GCC2: variants seen among roughly 807,000 people sequenced by gnomAD.
GCC2 encodes GRIP and coiled-coil domain containing 2.
In GCC2, 120 loss-of-function variants were observed where a neutral mutation model predicts 210.6. The ratio of observed to expected loss-of-function variants is 0.57; its 90% CI spans 0.49 to 0.66. The LOEUF (loss-of-function observed/expected upper bound fraction) is 0.66. Ranked by LOEUF, GCC2 falls within the 30% of genes least tolerant of loss-of-function variation. GCC2 has a pLI of 0.00. For missense variants in GCC2, 1,868 were observed against 1,871.9 expected, an observed-to-expected ratio of 1.00 and a Z score of 0.04; for synonymous variants, 703 against 652.7, an observed-to-expected ratio of 1.08 and a Z score of -1.17.
intron 4 of GCC2, among the ~76,000 whole-genome samples, chr2:108,455,186 T>A (rs1680189011): frequency 6.6e-6 from 1 of 152,146 alleles, no homozygotes; most frequent in African/African-American, 2.4e-5. Context: ...ACATCTGTAA[T>A]CCCAGCACTT....
rs751922360 is a variant in GCC2 at position 108,489,941 on chromosome 2, C to T, written c.4156C>T (p.His1386Tyr). The T allele has an allele frequency of 6.2e-7, 1 of 1,612,006 alleles. No individual in the cohort carries two copies. The highest frequency in any genetic ancestry group is 8.5e-7 in the Non-Finnish European group (1 of 1,178,960). ...VSELQTLQSE[H>Y]DTLLERHNKM... is the part of the protein sequence containing the mutation. ...TGAACTTCAAACATTGCAGTCTGAA[C>T]ATGATACACTGCTAGAAAGGCACAA... The change falls in exon 18 of 23, where the codon CAT becomes TAT. Residue 1386 changes from histidine to tyrosine, a missense_variant. By Grantham distance (83) the His-to-Tyr change is moderately conservative. Coordinates refer to ENST00000309863, the MANE Select transcript of GCC2 (RefSeq NM_181453.4).
chr2:108,468,778 T>C (rs1315922281), intron 4 of GCC2, among the ~76,000 whole-genome samples: 1 of 152,226 alleles, frequency 6.6e-6, no homozygotes, highest in African/African-American at 2.4e-5. Context: ...TTCATCCTCC[T>C]CCGTAATTCA....
Position 108,471,394 on chromosome 2 carries a change from T to C in GCC2, c.2065T>C (p.Ser689Pro). 1 of 1,606,988 alleles carries C rather than the reference T, an allele frequency of 6.2e-7. No individual in the cohort carries two copies. The highest frequency in any genetic ancestry group is 8.5e-7 in the Non-Finnish European group (1 of 1,178,214). The stretch of plus-strand genomic sequence containing the variant: ...AGAAGTATTGTCAGCTGAAGTGAAG[T>C]CTCTTTATGAGGAAAACAATAAACT... ...DKEVLSAEVK[S>P]LYEENNKLSS... Residue 689 changes from serine to proline, a missense_variant, in exon 6 of 23, where the codon TCT (serine) becomes CCT (proline). By Grantham distance (74) the Ser-to-Pro change is moderately conservative (BLOSUM62 -1). This residue lies in a region of GCC2 where 1,847 missense variants were observed against 1,765.2 expected (regional missense o/e 1.05). Transcript: ENST00000309863.
intron 2 of GCC2, among the ~76,000 whole-genome samples, chr2:108,450,726 A>C (rs1679888629): frequency 6.6e-6 from 1 of 152,236 alleles, no homozygotes; most frequent in Non-Finnish European, 1.5e-5. Context: ...TACTAAAAAT[A>C]CAAAAATTAG....
chr2:108,477,088 AT>A (rs917611960), intron 9 of GCC2, among the ~76,000 whole-genome samples: 1 of 151,976 alleles, frequency 6.6e-6, no homozygotes. Flanking sequence ...AAAATTGTAG[AT>A]TTTTTTTGGC....
At chr2:108,461,208 T>C (rs1680551744) in intron 4 of GCC2, among the ~76,000 whole-genome samples, 1 of 152,168 alleles carries the variant, frequency 6.6e-6, no homozygotes, top group South Asian at 2.1e-4. Flanking sequence ...TTTCTCTGGG[T>C]CTGTAAGCTT....
Position 108,449,242 on chromosome 2 carries a change from G to C in GCC2, c.-33G>C, listed in dbSNP as rs1014717464. 6.5e-7 allele frequency: 1 copy of C among 1,547,574 alleles called. No individual in the cohort carries two copies. Among genetic ancestry groups the C allele is most frequent in the Non-Finnish European group, 8.7e-7 (1 of 1,144,056 alleles). On this transcript the variant is annotated 5_prime_UTR_variant, in exon 1 of 23. Coordinates refer to ENST00000309863, the MANE Select transcript of GCC2 (RefSeq NM_181453.4). ...CAAACAGAAGTGCAGCGGTGGCGGC[G>C]GCTGGTTGCGGGCCGGCGGCGGGCT...
chr2:108,480,592 C>T (rs1425101861), intron 9 of GCC2, among the ~76,000 whole-genome samples: 2 of 152,172 alleles, frequency 1.3e-5, no homozygotes. Context: ...GAGATTATGT[C>T]CTTTGCAGGG....
intron 16 of GCC2, among the ~76,000 whole-genome samples, chr2:108,486,959 A>G (rs1470030698): frequency 6.6e-6 from 1 of 152,198 alleles, no homozygotes; most frequent in East Asian, 1.9e-4. Context: ...GGGCTAAATG[A>G]TTATAAAATA....
At position 108,454,731 on chromosome 2, in the gene GCC2, T is replaced by C. The variant is rs549678368; in HGVS notation, c.216+2265T>C. Among the ~76,000 whole-genome samples, 321 of 152,330 alleles carry C rather than the reference T, an allele frequency of 2.1e-3. 3 individuals are homozygous for C. In the South Asian group the frequency reaches 0.029, roughly 14 times the overall value. On this transcript the variant is annotated intron_variant, in intron 4 of 22. Coordinates refer to ENST00000309863, the MANE Select transcript of GCC2 (RefSeq NM_181453.4). ...AGTTTTGTCATCTGTAGAACAGCGATAATAATACTTTCTGTTTGTAGGATT... is the reference window on the plus strand; with the variant it reads ...AGTTTTGTCATCTGTAGAACAGCGACAATAATACTTTCTGTTTGTAGGATT...
intron 1 of GCC2, 30 bp from the exon 2 acceptor site, chr2:108,449,603 C>T (rs994837839): frequency 1.9e-6 from 3 of 1,605,414 alleles, no homozygotes; most frequent in South Asian, 1.1e-5. Context: ...AAGAGTTCTT[C>T]TGACACCTGG....
At chr2:108,450,997 A>G in intron 2 of GCC2, 31 bp from the exon 3 acceptor site, 2 of 1,422,610 alleles carry the variant, frequency 1.4e-6, no homozygotes, top group South Asian at 2.3e-5. Context: ...CATGAGTTAT[A>G]ACAAGTTGGT....
rs755398917 is a variant in GCC2, at chr2:108,487,778, A to T, written c.4010A>T (p.Lys1337Ile). Residue 1337 changes from lysine to isoleucine, a missense_variant, in exon 17 of 23, where the codon AAA becomes ATA. Coordinates refer to ENST00000309863, the MANE Select transcript of GCC2 (RefSeq NM_181453.4). ...AATGTTCTAAAACAACAGAAAAATA[A>T]ATCTATGTCTCAGGCTGAAACTGAG... is the stretch of plus-strand genomic sequence containing the variant. ...VHNVLKQQKN[K>I]SMSQAETEGA... The T allele has an allele frequency of 6.2e-7, 1 of 1,613,762 alleles. No individual in the cohort carries two copies. Among genetic ancestry groups the T allele is most frequent in the South Asian group, 1.1e-5 (1 of 91,068 alleles).
chr2:108,451,575 T>G (rs530219205), intron 3 of GCC2, among the ~76,000 whole-genome samples: 39 of 150,262 alleles, frequency 2.6e-4, no homozygotes, highest in South Asian at 2.1e-4. Context: ...TCAGTTTTCT[T>G]TTTATTCCAG....
At chr2:108,460,401 G>C (rs543356852) in intron 4 of GCC2, among the ~76,000 whole-genome samples, 42 of 152,070 alleles carry the variant, frequency 2.8e-4, no homozygotes, top group African/African-American at 1.0e-3. Context: ...TCATATTAAC[G>C]GTTTTCTGGT....
intron 5 of GCC2, chr2:108,469,301 T>C: frequency 2.3e-6 from 1 of 435,500 alleles, no homozygotes; most frequent in Admixed American, 3.9e-5. Context: ...TTTTTATAGC[T>C]ATAATGCCAT....
At chr2:108,507,216 C>G (rs1683234145) in intron 22 of GCC2, among the ~76,000 whole-genome samples, 2 of 141,122 alleles carry the variant, frequency 1.4e-5, no homozygotes, top group South Asian at 4.6e-4. Context: ...AACAGTGAGA[C>G]CCGCATCTCC....
At chr2:108,493,292 G>C in intron 19 of GCC2, 1 of 563,444 alleles carries the variant, frequency 1.8e-6, no homozygotes, top group Non-Finnish European at 2.3e-6. Context: ...GTTTCACCGT[G>C]TTAGCCAGGA....
At chr2:108,479,484 T>G (rs1681723984) in intron 9 of GCC2, among the ~76,000 whole-genome samples, 1 of 151,828 alleles carries the variant, frequency 6.6e-6, no homozygotes, top group African/African-American at 2.4e-5. Context: ...CTACTAAAAC[T>G]GCAAATATTA....
Sources: allele counts gnomAD v4.1 joint callset (sites outside exome capture counted in the v4.1 genomes callset), GRCh38; gene constraint gnomAD v4.1.1; regional missense constraint gnomAD v4.1.1; transcripts MANE v1.5; gene names NCBI Gene and HGNC (gene_info 2026-07-23, HGNC 2026-07-21).